The following UAP1 variants were observed in gnomAD, a reference collection of about 807,000 sequenced individuals.
The protein encoded by UAP1 is UDP-N-acetylhexosamine pyrophosphorylase.
A neutral mutation model predicts 58.5 loss-of-function variants in UAP1; 25 were observed. That is an observed-to-expected ratio of 0.43 (90% CI 0.31 to 0.60). UAP1 has a LOEUF of 0.60. UAP1 is among the 20% of genes least tolerant of loss of function. The pLI, the probability that UAP1 is intolerant of heterozygous loss-of-function variation, is 0.11. For missense variants in UAP1, 575 were observed against 630.0 expected (o/e 0.91, Z 0.93); for synonymous variants, 208 against 213.0 (o/e 0.98, Z 0.21).
At chr1:162,563,123 C>T (rs181344404) in intron 1 of UAP1, among the ~76,000 whole-genome samples, 1 of 152,164 alleles carries the variant, frequency 6.6e-6, no homozygotes, top group Admixed American at 6.5e-5. Flanking sequence ...TTTAACTCTT[C>T]TGTTAATTGC....
At chr1:162,599,649 C>CAG (rs1655822903) in exon 11 of UAP1, 1 of 247,304 alleles carries the variant, frequency 4.0e-6, no homozygotes, top group South Asian at 1.2e-4. Context: ...GAAATATAGG[C>CAG]AGGATGTTCA....
chr1:162,581,451 G>T lies in UAP1; in HGVS notation c.826G>T (p.Gly276Ter), dbSNP rs1489863306. Residue 276 changes from glycine to a stop codon, truncating the protein, a stop_gained, in exon 5 of 11, where the codon GGA becomes TGA. Transcript: ENST00000271469. LOFTEE classifies it high-confidence loss of function. Reference sequence around the variant, plus strand: ...TTGCATTCAGAAAGGAGCAGACTGTGGAGCAAAGGTAATGCCTTTCTCAAC... The same window carrying T: ...TTGCATTCAGAAAGGAGCAGACTGTTGAGCAAAGGTAATGCCTTTCTCAAC... The T allele has an allele frequency of 6.2e-7, 1 of 1,613,454 alleles. No individual in the cohort carries two copies. Among genetic ancestry groups the T allele is most frequent in the Non-Finnish European group, 8.5e-7 (1 of 1,179,712 alleles).
exon 5 of UAP1, chr1:162,581,364 A>G: frequency 1.2e-6 from 2 of 1,614,150 alleles, no homozygotes; most frequent in Non-Finnish European, 1.7e-6. Flanking sequence ...CATTTGGAGC[A>G]TTCATGTCTA....
At chr1:162,580,379 CAT>C (rs1654509118) in intron 4 of UAP1, among the ~76,000 whole-genome samples, 1 of 152,192 alleles carries the variant, frequency 6.6e-6, no homozygotes, top group South Asian at 2.1e-4. Context: ...TGAAAAACTG[CAT>C]ACAGTCTATG....
intron 5 of UAP1, among the ~76,000 whole-genome samples, chr1:162,584,595 A>G (rs1302389188): frequency 6.6e-6 from 1 of 152,054 alleles, no homozygotes; most frequent in African/African-American, 2.4e-5. Flanking sequence ...TGATCCTCTC[A>G]CCTCAGCCTC....
chr1:162,591,732 C>T (rs993423476), intron 8 of UAP1, among the ~76,000 whole-genome samples: 3 of 151,472 alleles, frequency 2.0e-5, no homozygotes, highest in Admixed American at 6.6e-5. Context: ...GTGATCCGCC[C>T]GCTTTGGCCT....
exon 2 of UAP1, chr1:162,566,080 T>G: frequency 1.2e-6 from 2 of 1,611,874 alleles, no homozygotes; most frequent in Non-Finnish European, 1.7e-6. Flanking sequence ...TGAACATTAA[T>G]GACCTCAAAC....
In UAP1 at chr1:162,572,382, T is replaced by G. The variant is rs1653916414; in HGVS notation, c.281-4395T>G. Among the ~76,000 whole-genome samples the G allele has an allele frequency of 6.6e-5, 10 of 152,230 alleles. No individual in the cohort carries two copies. In the South Asian group the frequency reaches 2.1e-3, roughly 32 times the overall value. On this transcript the variant is annotated intron_variant, in intron 2 of 10. Transcript: ENST00000271469. ...TATACAGGGCTATTTTCATACCTGG[T>G]TAGACCTATAGAAAGCACTGAATTG... is the stretch of plus-strand genomic sequence containing the variant.
At chr1:162,579,454 TGGAATCTACAAA>T in exon 4 of UAP1, 1 of 1,591,580 alleles carries the variant, frequency 6.3e-7, no homozygotes, top group Non-Finnish European at 8.5e-7. Context: ...GGCAGAACAA[TGGAATCTACAAA>T]GGAGTTCTTC....
rs183779572 is a variant in UAP1 at position 162,583,443 on chromosome 1, G to A, written c.834+1984G>A. 3.7e-3 allele frequency among the ~76,000 whole-genome samples: 562 copies of A among 151,704 alleles called. 5 individuals are homozygous for A. Among genetic ancestry groups the A allele is most frequent in the African/African-American group, 0.013 (534 of 41,382 alleles). Reference sequence around the variant, plus strand: ...GCTGGGATTACAGGCGTGAGCCACCGTGCCCAGCTGGTGTCACTCTTTTTT... The same window carrying A: ...GCTGGGATTACAGGCGTGAGCCACCATGCCCAGCTGGTGTCACTCTTTTTT... On this transcript the variant is annotated intron_variant, in intron 5 of 10. Transcript: ENST00000271469.
chr1:162,566,254 A>G (rs1653492893), exon 2 of UAP1: 7 of 1,614,162 alleles, frequency 4.3e-6, no homozygotes, highest in Non-Finnish European at 5.9e-6. Context: ...CTTCTCACCA[A>G]AAGAATGTGG....
At chr1:162,586,478 C>A (rs1318153196) in intron 5 of UAP1, among the ~76,000 whole-genome samples, 1 of 151,106 alleles carries the variant, frequency 6.6e-6, no homozygotes, top group African/African-American at 2.4e-5. Flanking sequence ...CAGCATGCCA[C>A]CACGCCTGGC....
rs1571050279 is a variant in UAP1 at position 162,566,094 on chromosome 1, C to T, written c.26C>T (p.Thr9Met). The change falls in exon 2 of 11, where the codon ACG (threonine) becomes ATG (methionine). Residue 9 changes from threonine (T) to methionine (M), a missense_variant. Thr to Met is a moderately conservative substitution (Grantham distance 81, BLOSUM62 -1). Coordinates refer to ENST00000271469, the Ensembl canonical transcript of UAP1. The stretch of plus-strand genomic sequence containing the variant: ...ATGAACATTAATGACCTCAAACTCA[C>T]GTTGTCCAAAGCTGGGCAAGAGCAC... The T allele has an allele frequency of 2.5e-6, 4 of 1,612,312 alleles. No individual in the cohort carries two copies. In the South Asian group the frequency reaches 3.3e-5, roughly 13 times the overall value.
intron 10 of UAP1, among the ~76,000 whole-genome samples, chr1:162,598,540 CT>C (rs1470176741): frequency 2.6e-5 from 4 of 152,032 alleles, no homozygotes; most frequent in Admixed American, 2.6e-4. Flanking sequence ...AATCACCTGG[CT>C]TTTTTTAAAT....
intron 2 of UAP1, among the ~76,000 whole-genome samples, chr1:162,575,498 C>G (rs192618701): frequency 6.6e-6 from 1 of 152,064 alleles, no homozygotes; most frequent in African/African-American, 2.4e-5. Context: ...GTGGTGCAGT[C>G]TTAGCTCACT....
intron 4 of UAP1, 135 bp from the exon 5 acceptor site, chr1:162,581,152 A>T: frequency 1.1e-6 from 1 of 929,974 alleles, no homozygotes; most frequent in Non-Finnish European, 1.6e-6. Context: ...TTCCTTCCTT[A>T]TGGATATTCA....
rs772334558 is a variant in UAP1 at position 162,576,945 on chromosome 1, C to T, written c.449C>T (p.Ala150Val). Reference sequence around the variant, plus strand: ...CGTATCCTGAAGCTACAGCAGGTTGCTGAAAAATATTATGGCAACAAATGC... The same window carrying T: ...CGTATCCTGAAGCTACAGCAGGTTGTTGAAAAATATTATGGCAACAAATGC... Residue 150 changes from alanine (A) to valine (V), a missense_variant, in exon 3 of 11, where the codon GCT becomes GTT. Ala to Val is a moderately conservative substitution (Grantham distance 64). Transcript: ENST00000271469. 5.6e-6 allele frequency: 9 copies of T among 1,613,954 alleles called. No individual in the cohort carries two copies. The East Asian group carries it at 1.6e-4, about 28-fold the overall frequency.
chr1:162,583,146 CTTTTTTTTTTTTTTT>C (rs11376471), intron 5 of UAP1, among the ~76,000 whole-genome samples: 1 of 68,044 alleles, frequency 1.5e-5, no homozygotes, highest in African/African-American at 6.2e-5. Flanking sequence ...TGGTGTCACT[CTTTTTTTTTTTTTTT>C]TTTTTTTTTG....
chr1:162,599,412 G>T (rs1236009402), exon 11 of UAP1: 2 of 1,242,354 alleles, frequency 1.6e-6, no homozygotes, highest in Admixed American at 1.8e-5. Context: ...TTTTATTTTT[G>T]ATAGACCAAC....
Sources: gnomAD v4.1 joint callset for allele counts (sites outside exome capture counted in the v4.1 genomes callset) on GRCh38, gnomAD v4.1.1 for gene constraint, MANE v1.5 for transcripts, NCBI Gene and HGNC (gene_info 2026-07-23, HGNC 2026-07-21) for gene names.